The following SFI1 variants were observed in gnomAD, a reference collection of about 807,000 sequenced individuals.
SFI1 encodes SFI1 centrin binding protein.
In SFI1, 195 loss-of-function variants were observed where a neutral mutation model predicts 207.5. The ratio of observed to expected loss-of-function variants is 0.94; its 90% CI spans 0.84 to 1.06. The LOEUF (loss-of-function observed/expected upper bound fraction) is 1.06, where lower values mean the gene tolerates loss of function less well. SFI1 is among the 50% of genes least tolerant of loss of function. The pLI is 0.00. For missense variants in SFI1, 1,634 were observed against 1,588.0 expected (o/e 1.03, Z -0.49); for synonymous variants, 630 against 598.9 (o/e 1.05, Z -0.76).
chr22:31,500,277 C>CAAAAAAAA (rs150915256), intron 1 of SFI1, among the ~76,000 whole-genome samples: 1 of 98,442 alleles, frequency 1.0e-5, no homozygotes, highest in African/African-American at 3.8e-5. Context: ...GACTCTGTCT[C>CAAAAAAAA]AAAAAAAAAA....
chr22:31,564,980 A>ATT (rs71746917), intron 8 of SFI1, among the ~76,000 whole-genome samples: 92 of 141,614 alleles, frequency 6.5e-4, no homozygotes, highest in Admixed American at 2.2e-3. Flanking sequence ...CGCCTGGCTA[A>ATT]TTTTTTTTTT....
intron 2 of SFI1, chr22:31,521,700 A>G (rs2057281746): frequency 6.6e-6 from 1 of 152,130 alleles, no homozygotes; most frequent in Non-Finnish European, 1.5e-5. Flanking sequence ...CTGCCCAGAG[A>G]GTTTATGTTT....
chr22:31,498,310 A>G (rs2053111296), intron 1 of SFI1, among the ~76,000 whole-genome samples: 4 of 150,976 alleles, frequency 2.6e-5, no homozygotes, highest in Middle Eastern at 3.5e-3. Context: ...AAAAATATAT[A>G]TATATTTTGT....
intron 7 of SFI1, chr22:31,559,378 G>A (rs1262004233): frequency 3.7e-6 from 1 of 272,796 alleles, no homozygotes; most frequent in Non-Finnish European, 7.1e-6. Flanking sequence ...AGTCGAGATT[G>A]TGCCACTCCA....
At chr22:31,550,051 C>T (rs1193290273) in intron 5 of SFI1, among the ~76,000 whole-genome samples, 3 of 151,916 alleles carry the variant, frequency 2.0e-5, no homozygotes, top group Admixed American at 2.0e-4. Flanking sequence ...CCTGCCTCAG[C>T]CTCCGGAGTA....
chr22:31,512,211 CG>C (rs1335035736), intron 2 of SFI1, among the ~76,000 whole-genome samples: 1 of 151,654 alleles, frequency 6.6e-6, no homozygotes, highest in East Asian at 2.0e-4. Context: ...CAAAATTAGC[CG>C]GGTGTGGTGG....
At chr22:31,551,549 T>C (rs915819126) in intron 6 of SFI1, among the ~76,000 whole-genome samples, 1 of 152,228 alleles carries the variant, frequency 6.6e-6, no homozygotes, top group African/African-American at 2.4e-5. Context: ...TTCATTCTTT[T>C]TGAAGTTCAG....
intron 14 of SFI1, 82 bp from the exon 15 acceptor site, chr22:31,589,365 C>A: frequency 8.2e-7 from 1 of 1,218,658 alleles, no homozygotes. Context: ...GGAAGCAATC[C>A]TCCCACAAGG....
chr22:31,580,509 C>T, intron 12 of SFI1, 145 bp downstream of exon 12: 2 of 531,694 alleles, frequency 3.8e-6, no homozygotes, highest in Non-Finnish European at 3.3e-6. Context: ...ACTGTAAAAC[C>T]TTAGTTTGCA....
intron 15 of SFI1, among the ~76,000 whole-genome samples, chr22:31,591,791 T>C (rs2065990462): frequency 1.6e-5 from 1 of 61,038 alleles, no homozygotes; most frequent in African/African-American, 9.6e-5. Context: ...CCCCCCCACC[T>C]CCCTCCCGGA....
At chr22:31,529,643 T>C (rs967820823) in intron 3 of SFI1, among the ~76,000 whole-genome samples, 4 of 152,192 alleles carry the variant, frequency 2.6e-5, no homozygotes, top group Non-Finnish European at 5.9e-5. Context: ...TAAAATCAGG[T>C]AGGCTTGATA....
At chr22:31,570,732 T>A (rs1353616750) in intron 8 of SFI1, among the ~76,000 whole-genome samples, 1 of 151,980 alleles carries the variant, frequency 6.6e-6, no homozygotes, top group Non-Finnish European at 1.5e-5. Flanking sequence ...AGAGACCCCA[T>A]CTGTTTTTTT....
chr22:31,520,571 G>T (rs2057104368), intron 2 of SFI1, among the ~76,000 whole-genome samples: 1 of 151,806 alleles, frequency 6.6e-6, no homozygotes. Flanking sequence ...TTTTGTTTTA[G>T]TTTGGGGTAT....
intron 1 of SFI1, among the ~76,000 whole-genome samples, chr22:31,498,213 T>C (rs2053080249): frequency 6.6e-6 from 1 of 152,128 alleles, no homozygotes; most frequent in South Asian, 2.1e-4. Context: ...GAGAATCACT[T>C]GAACCCGGGA....
Position 31,606,380 on chromosome 22 carries a change from A to G in SFI1, c.2107A>G (p.Lys703Glu). Residue 703 changes from lysine (K) to glutamate (E), a missense_variant, in exon 21 of 33, where the codon AAA (lysine) becomes GAA (glutamate). Physicochemically the swap from Lys to Glu is moderately conservative, Grantham distance 56. Transcript: ENST00000400288. ...CACCATGGCCCGAGTGGATGAAGCCAAAAAAACCTTTCAAGCAAGTACTCA... is the reference window on the plus strand; with the variant it reads ...CACCATGGCCCGAGTGGATGAAGCCGAAAAAACCTTTCAAGCAAGTACTCA... ...ENTMARVDEA[K>E]KTFQASTHYR... is the part of the protein sequence containing the mutation. The G allele has an allele frequency of 6.2e-7, 1 of 1,613,246 alleles. No individual in the cohort carries two copies. Among genetic ancestry groups the G allele is most frequent in the Non-Finnish European group, 8.5e-7 (1 of 1,179,694 alleles).
chr22:31,539,144 A>T (rs1408394129), intron 4 of SFI1, among the ~76,000 whole-genome samples: 2 of 152,180 alleles, frequency 1.3e-5, no homozygotes, highest in Non-Finnish European at 2.9e-5. Flanking sequence ...ATGCATTCAG[A>T]ATCCAGCCAC....
At chr22:31,530,213 G>A (rs1436960168) in intron 3 of SFI1, among the ~76,000 whole-genome samples, 15 of 123,558 alleles carry the variant, frequency 1.2e-4, no homozygotes, top group African/African-American at 3.7e-4. Flanking sequence ...AGACAAGGCC[G>A]GGCGCGGTGG....
intron 2 of SFI1, among the ~76,000 whole-genome samples, chr22:31,515,320 CGTGTGT>C (rs3068283): frequency 8.7e-5 from 13 of 150,250 alleles, no homozygotes; most frequent in African/African-American, 2.7e-4. Flanking sequence ...TCTCATTGTT[CGTGTGT>C]GTGTGTGTGT....
At chr22:31,614,364 T>A (rs2070973229) in intron 27 of SFI1, 2 of 374,124 alleles carry the variant, frequency 5.3e-6, no homozygotes, top group Admixed American at 7.4e-5. Flanking sequence ...AGCTGGTGGC[T>A]CCCACAGCAA....
Sources: allele counts gnomAD v4.1 joint callset (sites outside exome capture counted in the v4.1 genomes callset), GRCh38; gene constraint gnomAD v4.1.1; transcripts MANE v1.5; gene names NCBI Gene and HGNC (gene_info 2026-07-23, HGNC 2026-07-21).